The following SRPK2 variants were observed in gnomAD, a reference collection of about 807,000 sequenced individuals.
SRPK2 encodes the protein SRSF protein kinase 2, also known as SFRS protein kinase 2.
Under a neutral mutation model 90.8 loss-of-function variants are expected in SRPK2, and 21 were observed. The ratio of observed to expected loss-of-function variants is 0.23; its 90% confidence interval spans 0.16 to 0.33. The LOEUF is 0.33. SRPK2 is among the 10% of genes least tolerant of loss of function. SRPK2 has a pLI of 1.00. For missense variants in SRPK2, 620 were observed against 869.0 expected (o/e 0.71, Z 3.60); for synonymous variants, 288 against 311.1 (o/e 0.93, Z 0.78).
intron 2 of SRPK2, among the ~76,000 whole-genome samples, chr7:105,353,769 A>C (rs1307436882): frequency 6.6e-6 from 1 of 152,154 alleles, no homozygotes; most frequent in Non-Finnish European, 1.5e-5. Flanking sequence ...GGATCTCAGA[A>C]AGAATCATCA....
chr7:105,247,259 T>C (rs1479788957), intron 2 of SRPK2, among the ~76,000 whole-genome samples: 1 of 152,156 alleles, frequency 6.6e-6, no homozygotes, highest in Non-Finnish European at 1.5e-5. Flanking sequence ...AAAGAGACAA[T>C]TCAAAAAATG....
In SRPK2 at chr7:105,148,209, CTTG is replaced by C. The variant is rs74273543; in HGVS notation, c.622-1554_622-1552del. Among the ~76,000 whole-genome samples, 419 of 152,278 alleles carry C rather than the reference CTTG, an allele frequency of 2.8e-3. 1 individual carries two copies. The highest frequency in any genetic ancestry group is 4.8e-3 in the Non-Finnish European group (329 of 68,008). On this transcript the variant is annotated intron_variant, in intron 7 of 15. Coordinates refer to ENST00000393651, the MANE Select transcript of SRPK2 (RefSeq NM_182692.3). ...ATCCACCCAAGTGGATATGAAGTAT[CTTG>C]TTGTAGTTTTGATCTACATTTCCCT...
intron 2 of SRPK2, among the ~76,000 whole-genome samples, chr7:105,215,483 T>C (rs1309095018): frequency 6.6e-6 from 1 of 152,208 alleles, no homozygotes; most frequent in South Asian, 2.1e-4. Flanking sequence ...ATTCCACTCC[T>C]GGCATATACT....
chr7:105,119,312 T>G (rs1327198443), intron 15 of SRPK2, among the ~76,000 whole-genome samples: 1 of 152,084 alleles, frequency 6.6e-6, no homozygotes, highest in Non-Finnish European at 1.5e-5. Context: ...TCGAGTCAAC[T>G]TGGAAAAGCC....
intron 2 of SRPK2, among the ~76,000 whole-genome samples, chr7:105,214,549 T>C (rs1050863836): frequency 1.3e-5 from 2 of 152,150 alleles, no homozygotes; most frequent in Non-Finnish European, 2.9e-5. Context: ...TTAATAACAT[T>C]ATGATAAAAT....
intron 2 of SRPK2, chr7:105,244,657 T>C (rs878893847): frequency 6.7e-6 from 6 of 896,844 alleles, no homozygotes; most frequent in South Asian, 5.6e-5. Context: ...CAGCCCTGGC[T>C]CTGCGCTACC....
intron 13 of SRPK2, among the ~76,000 whole-genome samples, chr7:105,130,769 T>G (rs1801886815): frequency 1.4e-5 from 2 of 147,066 alleles, no homozygotes; most frequent in African/African-American, 5.0e-5. Context: ...TTTTGGGGGG[T>G]GGGGCAAGCA....
rs569001890 is a variant in SRPK2, at chr7:105,308,305, C to T, written c.71+80343G>A. ...TGCTCTCCCTTCTCTTATGCTACCT[C>T]CCAAGCATTGAAAAGATTATGTTCT... On this transcript the variant is annotated intron_variant, in intron 2 of 15. Coordinates refer to ENST00000393651, the MANE Select transcript of SRPK2 (RefSeq NM_182692.3). 9.8e-4 allele frequency among the ~76,000 whole-genome samples: 149 copies of T among 152,288 alleles called. 2 individuals carry two copies. Among genetic ancestry groups the T allele is most frequent in the African/African-American group, 2.7e-3 (113 of 41,574 alleles).
intron 2 of SRPK2, among the ~76,000 whole-genome samples, chr7:105,232,882 G>C (rs978971588): frequency 6.6e-6 from 1 of 151,796 alleles, no homozygotes; most frequent in Non-Finnish European, 1.5e-5. Context: ...GTGTGGTGGC[G>C]GGTGCCTGTA....
At chr7:105,381,422 C>T (rs1393786819) in intron 2 of SRPK2, among the ~76,000 whole-genome samples, 1 of 152,010 alleles carries the variant, frequency 6.6e-6, no homozygotes, top group African/African-American at 2.4e-5. Context: ...GAGCCAAGAC[C>T]AGGCCACTGC....
chr7:105,339,799 G>A (rs534454465), intron 2 of SRPK2, among the ~76,000 whole-genome samples: 28 of 152,272 alleles, frequency 1.8e-4, no homozygotes, highest in South Asian at 1.5e-3. Context: ...GGTGGCTCAC[G>A]CCTGTAATCC....
chr7:105,266,945 A>T (rs948105970), intron 2 of SRPK2, among the ~76,000 whole-genome samples: 4 of 152,200 alleles, frequency 2.6e-5, no homozygotes, highest in Admixed American at 2.6e-4. Context: ...AACAACTTCT[A>T]TGTTTGCAAA....
intron 3 of SRPK2, among the ~76,000 whole-genome samples, chr7:105,201,344 C>T (rs1284340060): frequency 4.6e-5 from 7 of 152,068 alleles, no homozygotes; most frequent in Admixed American, 4.6e-4. Flanking sequence ...CTCTAATGAC[C>T]TTACTGATGC....
chr7:105,236,880 A>G (rs1260829164), intron 2 of SRPK2, among the ~76,000 whole-genome samples: 3 of 152,242 alleles, frequency 2.0e-5, no homozygotes, highest in African/African-American at 7.2e-5. Context: ...CCACAAATAT[A>G]GAGATAGAAT....
At chr7:105,171,309 T>C (rs927472834) in intron 3 of SRPK2, among the ~76,000 whole-genome samples, 7 of 152,234 alleles carry the variant, frequency 4.6e-5, no homozygotes, top group African/African-American at 1.4e-4. Flanking sequence ...TTCCTGGGTA[T>C]AAAATTACTC....
intron 2 of SRPK2, among the ~76,000 whole-genome samples, chr7:105,287,227 C>T (rs1164437021): frequency 2.3e-5 from 3 of 130,574 alleles, no homozygotes; most frequent in African/African-American, 8.7e-5. Flanking sequence ...CACCACTGCA[C>T]TCCAGCCTGG....
At chr7:105,277,568 G>A (rs2130741704) in intron 2 of SRPK2, among the ~76,000 whole-genome samples, 1 of 152,320 alleles carries the variant, frequency 6.6e-6, no homozygotes, top group East Asian at 1.9e-4. Flanking sequence ...ATCTAGGAGG[G>A]TGGATGATTA....
chr7:105,258,432 A>AAAAG (rs1554484307), intron 2 of SRPK2, among the ~76,000 whole-genome samples: 1 of 146,676 alleles, frequency 6.8e-6, no homozygotes, highest in African/African-American at 2.5e-5. Context: ...AAAAAAAAAA[A>AAAAG]AAAGAAAGAA....
intron 3 of SRPK2, among the ~76,000 whole-genome samples, chr7:105,171,328 CTT>C (rs1214479407): frequency 6.6e-6 from 1 of 152,286 alleles, no homozygotes; most frequent in East Asian, 1.9e-4. Flanking sequence ...TCTTAAGTCT[CTT>C]TATCTACATT....
Sources: gnomAD v4.1 joint callset for allele counts (sites outside exome capture counted in the v4.1 genomes callset) on GRCh38, gnomAD v4.1.1 for gene constraint, MANE v1.5 for transcripts, NCBI Gene and HGNC (gene_info 2026-07-23, HGNC 2026-07-21) for gene names.